The following SPON1 variants were observed in gnomAD, a reference collection of about 807,000 sequenced individuals.
SPON1 encodes the protein spondin-1.
A neutral mutation model predicts 111.7 loss-of-function variants in SPON1; 52 were observed. That is an observed-to-expected ratio of 0.47 (90% confidence interval 0.37 to 0.59). The LOEUF is 0.59. Among genes scored for constraint, SPON1 ranks in the 20% least tolerant of loss-of-function variants. The pLI, the probability that SPON1 is intolerant of heterozygous loss-of-function variation, is 0.00. For missense variants in SPON1, 957 were observed against 1,068.5 expected, an observed-to-expected ratio of 0.90 and a Z score of 1.46; for synonymous variants, 410 against 395.8, an observed-to-expected ratio of 1.04 and a Z score of -0.43.
chr11:14,225,192 G>C lies in SPON1; in HGVS notation c.826-18140G>C, dbSNP rs986318135. Among the ~76,000 whole-genome samples, 4 of 152,104 alleles carry C rather than the reference G, an allele frequency of 2.6e-5. No homozygotes were observed. The South Asian group carries it at 8.3e-4, about 32-fold the overall frequency. ...CGTTGAGTCCATAAATGTCACACTC[G>C]GGCATACCAGCATGTCTTTTTTTCT... On this transcript the variant is annotated intron_variant, in intron 6 of 15. Coordinates refer to ENST00000576479, the MANE Select transcript of SPON1 (RefSeq NM_006108.4).
chr11:14,037,964 G>A (rs144965707), intron 2 of SPON1, among the ~76,000 whole-genome samples: 9,438 of 144,036 alleles, frequency 0.066, 396 homozygotes, highest in South Asian at 0.19. Context: ...TCAGGAGTTC[G>A]AGACCAGCCT....
chr11:14,003,091 T>C (rs1848332288), intron 2 of SPON1, among the ~76,000 whole-genome samples: 1 of 152,202 alleles, frequency 6.6e-6, no homozygotes, highest in African/African-American at 2.4e-5. Flanking sequence ...TCCATCATCT[T>C]GCACACATTC....
At chr11:14,145,389 A>C (rs1847705450) in intron 6 of SPON1, among the ~76,000 whole-genome samples, 1 of 152,218 alleles carries the variant, frequency 6.6e-6, no homozygotes, top group African/African-American at 2.4e-5. Context: ...TTCAAGACTT[A>C]CAGAATATTT....
At chr11:14,093,200 G>T (rs7130971) in intron 5 of SPON1, among the ~76,000 whole-genome samples, 67,516 of 152,116 alleles carry the variant, frequency 0.44, 15,858 homozygotes, top group South Asian at 0.66. Context: ...ATGTCTGTTC[G>T]AGGCACTGTG....
intron 5 of SPON1, among the ~76,000 whole-genome samples, chr11:14,119,256 A>G (rs554185158): frequency 6.6e-6 from 1 of 152,262 alleles, no homozygotes; most frequent in Admixed American, 6.5e-5. Flanking sequence ...GTAGAAGGTG[A>G]TAGAGGAAGC....
Position 14,109,970 on chromosome 11 carries a change from C to A in SPON1, c.677-25450C>A, listed in dbSNP as rs189077126. On this transcript the variant is annotated intron_variant, in intron 5 of 15. Transcript: ENST00000576479. ...TCCTGCGTCACAGCACAGATCCTAA[C>A]TGGCAAAATTATTAATCTCTCTTCC... is the stretch of plus-strand genomic sequence containing the variant. Among the ~76,000 whole-genome samples the A allele has an allele frequency of 4.3e-4, 65 of 152,348 alleles. No individual in the cohort carries two copies. The East Asian group carries it at 0.012, about 28-fold the overall frequency.
chr11:14,209,067 C>A (rs1554936438), intron 6 of SPON1, among the ~76,000 whole-genome samples: 7 of 152,066 alleles, frequency 4.6e-5, no homozygotes, highest in Non-Finnish European at 1.0e-4. Context: ...ACATTCTAAG[C>A]ATCTTATTTT....
At chr11:14,230,584 G>A (rs1006962773) in intron 6 of SPON1, among the ~76,000 whole-genome samples, 10 of 152,102 alleles carry the variant, frequency 6.6e-5, no homozygotes, top group African/African-American at 1.7e-4. Flanking sequence ...CTTCCCAGCC[G>A]CTGCCTTGGC....
chr11:14,081,156 A>G (rs1848959182), intron 5 of SPON1, among the ~76,000 whole-genome samples: 1 of 152,066 alleles, frequency 6.6e-6, no homozygotes, highest in Admixed American at 6.5e-5. Context: ...TTGTCAGGAG[A>G]CCCCAAACTT....
intron 5 of SPON1, among the ~76,000 whole-genome samples, chr11:14,122,549 A>G (rs1185305179): frequency 1.3e-5 from 2 of 151,712 alleles, no homozygotes; most frequent in Non-Finnish European, 2.9e-5. Context: ...ATGTTAAACC[A>G]CTTGTTTTTA....
intron 2 of SPON1, among the ~76,000 whole-genome samples, chr11:14,026,851 C>T (rs1848522511): frequency 6.6e-6 from 1 of 152,158 alleles, no homozygotes; most frequent in South Asian, 2.1e-4. Context: ...AACTTGTCTC[C>T]TCCTCTCTCC....
At chr11:14,035,525 T>A (rs1848587801) in intron 2 of SPON1, among the ~76,000 whole-genome samples, 1 of 151,932 alleles carries the variant, frequency 6.6e-6, no homozygotes, top group African/African-American at 2.4e-5. Context: ...CAGGGAATTA[T>A]CTAATTAAAG....
intron 2 of SPON1, among the ~76,000 whole-genome samples, chr11:14,003,833 A>G (rs555683022): frequency 1.3e-5 from 2 of 152,264 alleles, no homozygotes; most frequent in African/African-American, 4.8e-5. Context: ...CAAAATCCGT[A>G]ATACAATTTT....
At chr11:14,257,620 A>C (rs1849123690) in intron 10 of SPON1, 96 bp from the exon 11 acceptor site, 3 of 1,219,122 alleles carry the variant, frequency 2.5e-6, no homozygotes, top group South Asian at 3.4e-5. Flanking sequence ...GTCTGGCAGC[A>C]TGGCTTTTCT....
chr11:14,125,020 A>G (rs1847438504), intron 5 of SPON1, among the ~76,000 whole-genome samples: 1 of 152,238 alleles, frequency 6.6e-6, no homozygotes, highest in African/African-American at 2.4e-5. Context: ...TTCCCCATGC[A>G]TGGCTTTTGC....
intron 5 of SPON1, among the ~76,000 whole-genome samples, chr11:14,124,330 A>T (rs1847431372): frequency 6.6e-6 from 1 of 152,100 alleles, no homozygotes; most frequent in African/African-American, 2.4e-5. Context: ...TGCCTTCCTA[A>T]CTGCTACTTA....
intron 7 of SPON1, among the ~76,000 whole-genome samples, chr11:14,246,838 G>A (rs183597019): frequency 2.0e-4 from 31 of 152,268 alleles, no homozygotes; most frequent in South Asian, 1.9e-3. Context: ...GCCATTAGGG[G>A]GGTTAGAGAT....
chr11:13,997,311 A>T (rs527469423), intron 2 of SPON1, among the ~76,000 whole-genome samples: 140 of 152,344 alleles, frequency 9.2e-4, no homozygotes, highest in South Asian at 8.9e-3. Context: ...TACAGCGAGT[A>T]TGTGGAAAGA....
intron 6 of SPON1, among the ~76,000 whole-genome samples, chr11:14,202,445 G>A (rs536427714): frequency 2.2e-4 from 33 of 152,312 alleles, no homozygotes; most frequent in African/African-American, 7.2e-4. Context: ...TGCATGGTCC[G>A]GAGTAGTGCC....
Sources: gnomAD v4.1 joint callset for allele counts (sites outside exome capture counted in the v4.1 genomes callset) on GRCh38, gnomAD v4.1.1 for gene constraint, MANE v1.5 for transcripts, NCBI Gene and HGNC (gene_info 2026-07-23, HGNC 2026-07-21) for gene names.